GRIK5: variants seen among roughly 807,000 people sequenced by gnomAD.
GRIK5 encodes the protein glutamate ionotropic receptor kainate type subunit 5.
Under a neutral mutation model 97.4 loss-of-function variants are expected in GRIK5, and 43 were observed. The ratio of observed to expected loss-of-function variants is 0.44; its 90% CI spans 0.35 to 0.57. The LOEUF (loss-of-function observed/expected upper bound fraction) is 0.57. GRIK5 is among the 20% of genes least tolerant of loss of function. The probability of loss-of-function intolerance (pLI) is 0.01; values close to 1 mark genes in which losing one functional copy is unlikely to be tolerated. For missense variants in GRIK5, 1,015 were observed against 1,382.0 expected, an observed-to-expected ratio of 0.73 and a Z score of 4.21; for synonymous variants, 580 against 583.5, an observed-to-expected ratio of 0.99 and a Z score of 0.09.
At chr19:42,038,498 T>A (rs538576662) in intron 12 of GRIK5, among the ~76,000 whole-genome samples, 1 of 152,352 alleles carries the variant, frequency 6.6e-6, no homozygotes, top group African/African-American at 2.4e-5. Context: ...ACGGGGCTAA[T>A]ACCAGTCCCT....
At chr19:42,059,128 C>G (rs973230388) in intron 6 of GRIK5, among the ~76,000 whole-genome samples, 5 of 152,178 alleles carry the variant, frequency 3.3e-5, no homozygotes, top group African/African-American at 1.2e-4. Context: ...CACAACCCAC[C>G]GAGCAGGGAC....
At chr19:42,001,560 T>C (rs1334480909) in intron 19 of GRIK5, among the ~76,000 whole-genome samples, 2 of 152,164 alleles carry the variant, frequency 1.3e-5, no homozygotes. Flanking sequence ...TTGGTCTCCA[T>C]GTTGTCACTT....
Position 42,065,306 on chromosome 19 carries a change from A to G in GRIK5, c.161T>C (p.Ile54Thr). The G allele has an allele frequency of 1.2e-6, 2 of 1,612,846 alleles. No homozygotes were observed. The highest frequency in any genetic ancestry group is 1.7e-6 in the Non-Finnish European group (2 of 1,179,774). The change falls in exon 3 of 20, where the codon ATC becomes ACC. Residue 54 changes from isoleucine to threonine, a missense_variant. This residue lies in a region of GRIK5 where 198 missense variants were observed against 218.2 expected (regional missense o/e 0.91). Coordinates refer to ENST00000593562, the MANE Select transcript of GRIK5 (RefSeq NM_002088.5). This position sits in a 1 kb window ranked among gnomAD's most constrained non-coding sequence, Gnocchi z 5.8. ...TCGGGCCTTGGCTGGGACCTCGATGATCCCGTTGATCTGCTCCCGGGCCAA... is the reference window on the plus strand; with the variant it reads ...TCGGGCCTTGGCTGGGACCTCGATGGTCCCGTTGATCTGCTCCCGGGCCAA... The part of the protein sequence containing the change: ...LALAREQING[I>T]IEVPAKARVE...
At chr19:42,061,520 T>A (rs906863398) in intron 5 of GRIK5, among the ~76,000 whole-genome samples, 5 of 152,178 alleles carry the variant, frequency 3.3e-5, no homozygotes, top group African/African-American at 1.2e-4. Flanking sequence ...CTAGAGGCTA[T>A]GGAGCACAGT....
At chr19:42,032,644 A>G (rs933710228) in intron 12 of GRIK5, among the ~76,000 whole-genome samples, 1 of 152,220 alleles carries the variant, frequency 6.6e-6, no homozygotes, top group Non-Finnish European at 1.5e-5. Flanking sequence ...TTGAATTTTA[A>G]GCAGGCATCT....
At chr19:42,033,540 G>A (rs969005693) in intron 12 of GRIK5, among the ~76,000 whole-genome samples, 5 of 152,178 alleles carry the variant, frequency 3.3e-5, no homozygotes, top group African/African-American at 7.2e-5. Context: ...AGTGGGGAGC[G>A]ACTGCTTAAT....
chr19:42,033,271 T>A (rs1475747454), intron 12 of GRIK5, among the ~76,000 whole-genome samples: 1 of 130,936 alleles, frequency 7.6e-6, no homozygotes, highest in Non-Finnish European at 1.5e-5. Context: ...TGAACCGAGA[T>A]CATGCCACTG....
At chr19:42,012,262 T>G (rs967689403) in intron 15 of GRIK5, among the ~76,000 whole-genome samples, 6 of 151,796 alleles carry the variant, frequency 4.0e-5, no homozygotes, top group African/African-American at 1.5e-4. Flanking sequence ...ATGTATTTAT[T>G]TATTTGGAGA....
Position 42,069,901 on chromosome 19 carries a change from G to A in GRIK5, c.-711C>T, listed in dbSNP as rs185877956. ...GGGAGGATGGAGAGCTGGGAGACCC[G>A]GAGAGGCCAAGAAGGGGGCAAATGA... is the stretch of plus-strand genomic sequence containing the variant. On this transcript the variant is annotated 5_prime_UTR_variant, in exon 1 of 20. Transcript: ENST00000593562. 3.4e-4 allele frequency among the ~76,000 whole-genome samples: 52 copies of A among 152,216 alleles called. No homozygotes were observed. The highest frequency in any genetic ancestry group is 1.1e-3 in the African/African-American group (47 of 41,542).
At chr19:42,007,924 C>T (rs1318158558) in intron 15 of GRIK5, among the ~76,000 whole-genome samples, 2 of 152,050 alleles carry the variant, frequency 1.3e-5, no homozygotes, top group African/African-American at 2.4e-5. Flanking sequence ...TAAAAACAGG[C>T]CTAGAAGTAT....
In GRIK5 at chr19:42,042,485, G is replaced by A; in HGVS notation, c.1473+67C>T. On this transcript the variant is annotated intron_variant, in intron 12 of 19. Transcript: ENST00000593562. The surrounding 1 kb of genome is among the most constrained non-coding windows in gnomAD (Gnocchi z 6.9). ...GGCTGCTTCTGAGGTTCGACTGGCT[G>A]CCCAGCTGCCCGCCCTCCCTCACTC... 7.1e-7 allele frequency: 1 copy of A among 1,415,320 alleles called. No homozygotes were observed. Among genetic ancestry groups the A allele is most frequent in the Admixed American group, 1.8e-5 (1 of 55,208 alleles). The allele number at this position is 1,415,320 out of a possible 1,614,324, so 87.7% of individuals were successfully genotyped here.
chr19:42,053,523 C>T (rs2076142342), intron 11 of GRIK5, 79 bp downstream of exon 11: 3 of 870,776 alleles, frequency 3.4e-6, no homozygotes, highest in Admixed American at 3.6e-5. Context: ...CCAGCCAATG[C>T]ATCCCTCCAC....
Position 42,065,305 on chromosome 19 carries a change from GA to G in GRIK5, c.161del (p.Ile54ThrfsTer12). ...LALAREQING[I>X]IEVPAKARVE... ...CTCGGGCCTTGGCTGGGACCTCGAT[GA>G]TCCCGTTGATCTGCTCCCGGGCCAA... On this transcript the variant is annotated frameshift_variant, in exon 3 of 20. Coordinates refer to ENST00000593562, the MANE Select transcript of GRIK5 (RefSeq NM_002088.5). LOFTEE classifies it high-confidence loss of function. This position sits in a 1 kb window ranked among gnomAD's most constrained non-coding sequence, Gnocchi z 5.8. The G allele has an allele frequency of 6.2e-7, 1 of 1,612,898 alleles. No individual in the cohort carries two copies. Among genetic ancestry groups the G allele is most frequent in the Non-Finnish European group, 8.5e-7 (1 of 1,179,798 alleles).
rs1291437185 is a variant in GRIK5 at position 42,053,894 on chromosome 19, G to T, written c.1092C>A (p.Phe364Leu). ...EYDGLTGRVE[F>L]NSKGQRTNYT... ...AGTTGGTTCTCTGCCCTTTGCTGTT[G>T]AACTCGACCCGCCCGGTCAGCCCAT... Residue 364 changes from phenylalanine to leucine, a missense_variant, in exon 10 of 20, where the codon TTC becomes TTA. Physicochemically the swap from Phe to Leu is conservative, Grantham distance 22. Around this residue, in one of 5 missense-constraint regions of GRIK5, gnomAD observed 477 missense variants for 701.1 expected, o/e 0.68. Coordinates refer to ENST00000593562, the MANE Select transcript of GRIK5 (RefSeq NM_002088.5). 1.9e-6 allele frequency: 3 copies of T among 1,613,892 alleles called. No individual in the cohort carries two copies. In the African/African-American group the frequency reaches 4.0e-5, roughly 22 times the overall value.
chr19:42,038,505 C>A (rs2075936495), intron 12 of GRIK5, among the ~76,000 whole-genome samples: 1 of 152,260 alleles, frequency 6.6e-6, no homozygotes, highest in Admixed American at 6.5e-5. Context: ...TAATACCAGT[C>A]CCTCTCTCAC....
intron 12 of GRIK5, among the ~76,000 whole-genome samples, chr19:42,038,521 G>T (rs2075936884): frequency 6.6e-6 from 1 of 152,238 alleles, no homozygotes; most frequent in African/African-American, 2.4e-5. Context: ...CTCACTGGGT[G>T]GCCATGAGGA....
intron 15 of GRIK5, among the ~76,000 whole-genome samples, chr19:42,013,236 T>C (rs1280606777): frequency 2.6e-5 from 4 of 151,260 alleles, no homozygotes; most frequent in Non-Finnish European, 5.9e-5. Flanking sequence ...CACGTAGTCC[T>C]AGCTACTCAG....
chr19:42,062,958 G>T lies in GRIK5; in HGVS notation c.245-103C>A. 2 of 817,826 alleles carry T rather than the reference G, an allele frequency of 2.4e-6. No homozygotes were observed. Among genetic ancestry groups the T allele is most frequent in the Non-Finnish European group, 4.1e-6 (2 of 487,470 alleles). 50.7% of individuals were successfully genotyped at this position (817,826 alleles called of 1,614,324 possible). ...ATGGCCCAGGAGAGGATCAGACACT[G>T]GCAACTGCCTGATCCTCTTCTGCCA... is the stretch of plus-strand genomic sequence containing the variant. On this transcript the variant is annotated intron_variant, in intron 3 of 19. Coordinates refer to ENST00000593562, the MANE Select transcript of GRIK5 (RefSeq NM_002088.5). The surrounding 1 kb of genome is among the most constrained non-coding windows in gnomAD (Gnocchi z 5.3).
chr19:42,005,276 C>G (rs1192123316), intron 17 of GRIK5, among the ~76,000 whole-genome samples: 1 of 151,228 alleles, frequency 6.6e-6, no homozygotes, highest in African/African-American at 2.4e-5. Flanking sequence ...CAAACTTGTC[C>G]TGAAATATAA....
Sources: gnomAD v4.1 joint callset for allele counts (sites outside exome capture counted in the v4.1 genomes callset) on GRCh38, gnomAD v4.1.1 for gene constraint, gnomAD v4.1.1 regional missense constraint, Gnocchi (gnomAD v3.1) non-coding constraint, MANE v1.5 for transcripts, NCBI Gene and HGNC (gene_info 2026-07-23, HGNC 2026-07-21) for gene names.